KCNIP4: variants seen among roughly 807,000 people sequenced by gnomAD.
KCNIP4 encodes the protein Kv channel-interacting protein 4.
A neutral mutation model predicts 34.0 loss-of-function variants in KCNIP4; 12 were observed. The ratio of observed to expected loss-of-function variants is 0.35; its 90% confidence interval spans 0.23 to 0.57. KCNIP4 has a LOEUF of 0.57. Among genes scored for constraint, KCNIP4 ranks in the 20% least tolerant of loss-of-function variants. The probability of loss-of-function intolerance (pLI) is 0.83; values close to 1 mark genes in which losing one functional copy is unlikely to be tolerated. For synonymous variants in KCNIP4, 124 were observed against 102.2 expected (o/e 1.21, Z -1.29); for missense variants, 238 against 311.7 (o/e 0.76, Z 1.78).
At chr4:21,498,351 C>G (rs560807898) in intron 1 of KCNIP4, among the ~76,000 whole-genome samples, 61 of 152,202 alleles carry the variant, frequency 4.0e-4, no homozygotes, top group Non-Finnish European at 6.6e-4. Flanking sequence ...CAGCTGAAAG[C>G]CTGTGGTGTT....
intron 1 of KCNIP4, among the ~76,000 whole-genome samples, chr4:21,577,036 C>A (rs1279314171): frequency 6.6e-6 from 1 of 151,954 alleles, no homozygotes; most frequent in African/African-American, 2.4e-5. Flanking sequence ...TGTGGTTTTA[C>A]CTATTCTTTT....
At chr4:21,280,650 A>G (rs886253246) in intron 1 of KCNIP4, among the ~76,000 whole-genome samples, 11 of 152,238 alleles carry the variant, frequency 7.2e-5, no homozygotes, top group Non-Finnish European at 1.6e-4. Context: ...TACAGAAAGT[A>G]TTTGTTAAAT....
At chr4:21,502,236 G>A (rs1733427566) in intron 1 of KCNIP4, among the ~76,000 whole-genome samples, 1 of 151,884 alleles carries the variant, frequency 6.6e-6, no homozygotes, top group Non-Finnish European at 1.5e-5. Flanking sequence ...CCTATGTCAA[G>A]GTCTGATACA....
In KCNIP4 at chr4:21,197,459, A is replaced by AT. The variant is rs573233607; in HGVS notation, c.62-314751dup. Among the ~76,000 whole-genome samples, 3 of 152,298 alleles carry AT rather than the reference A, an allele frequency of 2.0e-5. No individual in the cohort carries two copies. The South Asian group carries it at 6.2e-4, about 32-fold the overall frequency. ...AATAGCTCTTTTAAACGTCACAACC[A>AT]TTTGGGATAGAACTTTTCTCTATTT... On this transcript the variant is annotated intron_variant, in intron 1 of 8. Transcript: ENST00000382152.
At chr4:20,759,579 A>G (rs1248879404) in intron 3 of KCNIP4, among the ~76,000 whole-genome samples, 1 of 152,090 alleles carries the variant, frequency 6.6e-6, no homozygotes, top group Non-Finnish European at 1.5e-5. Context: ...ATGTTGGACA[A>G]CTGACCTGGA....
intron 1 of KCNIP4, among the ~76,000 whole-genome samples, chr4:21,336,533 A>G (rs115301123): frequency 0.012 from 1,769 of 152,214 alleles, 35 homozygotes; most frequent in African/African-American, 0.04. Context: ...AGACATTTTA[A>G]TTTTCCCAGT....
At chr4:20,995,782 CA>C in intron 1 of KCNIP4, among the ~76,000 whole-genome samples, 1 of 151,936 alleles carries the variant, frequency 6.6e-6, no homozygotes. Flanking sequence ...TGCATTTGTG[CA>C]AAAAAATGTT....
chr4:21,681,901 T>A (rs966789065), intron 1 of KCNIP4, among the ~76,000 whole-genome samples: 1 of 151,714 alleles, frequency 6.6e-6, no homozygotes, highest in African/African-American at 2.4e-5. Context: ...TTTATTTATT[T>A]TTTTTGAGAC....
intron 1 of KCNIP4, among the ~76,000 whole-genome samples, chr4:21,650,752 C>T (rs1747423461): frequency 6.6e-6 from 1 of 152,204 alleles, no homozygotes; most frequent in African/African-American, 2.4e-5. Flanking sequence ...AATAACTAGG[C>T]TCTCTTGATT....
At chr4:21,292,617 C>G (rs73802543) in intron 1 of KCNIP4, among the ~76,000 whole-genome samples, 3,020 of 152,242 alleles carry the variant, frequency 0.02, 88 homozygotes, top group African/African-American at 0.067. Flanking sequence ...CTTCCCCAGG[C>G]TCTGATAAGA....
chr4:21,042,263 T>G (rs1233618821), intron 1 of KCNIP4, among the ~76,000 whole-genome samples: 2 of 152,312 alleles, frequency 1.3e-5, no homozygotes, highest in East Asian at 3.9e-4. Context: ...CTACTCACAA[T>G]AGCTAAGATA....
chr4:21,272,849 T>C (rs1361077825), intron 1 of KCNIP4, among the ~76,000 whole-genome samples: 1 of 152,234 alleles, frequency 6.6e-6, no homozygotes, highest in Non-Finnish European at 1.5e-5. Flanking sequence ...TAAGGTTCTC[T>C]GATTTTTCTT....
At chr4:21,630,415 T>C (rs992179057) in intron 1 of KCNIP4, among the ~76,000 whole-genome samples, 1 of 150,878 alleles carries the variant, frequency 6.6e-6, no homozygotes, top group Non-Finnish European at 1.5e-5. Context: ...GCTGAGATCC[T>C]GCCACTGAAC....
chr4:21,133,269 A>G lies in KCNIP4; in HGVS notation c.62-250560T>C, dbSNP rs144981838. On this transcript the variant is annotated intron_variant, in intron 1 of 8. Transcript: ENST00000382152. ...ACAATGTTAATGCTTTATTTTCAAAACCTCCTGGGTTTAACATGTGTAATT... is the reference window on the plus strand; with the variant it reads ...ACAATGTTAATGCTTTATTTTCAAAGCCTCCTGGGTTTAACATGTGTAATT... Among the ~76,000 whole-genome samples, 372 of 152,182 alleles carry G rather than the reference A, an allele frequency of 2.4e-3. 2 individuals carry two copies. The highest frequency in any genetic ancestry group is 8.1e-3 in the African/African-American group (336 of 41,512).
chr4:21,887,849 A>G (rs1160259015), intron 1 of KCNIP4, among the ~76,000 whole-genome samples: 1 of 152,172 alleles, frequency 6.6e-6, no homozygotes, highest in Non-Finnish European at 1.5e-5. Flanking sequence ...ATTTTGCAGA[A>G]TATTTGCTGA....
chr4:21,906,571 G>T (rs1381007865), intron 1 of KCNIP4, among the ~76,000 whole-genome samples: 2 of 152,092 alleles, frequency 1.3e-5, no homozygotes, highest in Non-Finnish European at 2.9e-5. Flanking sequence ...AACTGTGAGA[G>T]AATAAATTTC....
At chr4:21,071,610 A>G (rs941930808) in intron 1 of KCNIP4, among the ~76,000 whole-genome samples, 2 of 152,096 alleles carry the variant, frequency 1.3e-5, no homozygotes, top group Non-Finnish European at 2.9e-5. Flanking sequence ...ATGTGTATAT[A>G]TATCTGTTGG....
intron 1 of KCNIP4, among the ~76,000 whole-genome samples, chr4:21,576,825 CT>C (rs1303469865): frequency 6.6e-6 from 1 of 152,014 alleles, no homozygotes; most frequent in Non-Finnish European, 1.5e-5. Context: ...ACTGAAACTT[CT>C]TAAGGTTTTA....
At chr4:21,862,790 T>C (rs1380050974) in intron 1 of KCNIP4, among the ~76,000 whole-genome samples, 4 of 152,054 alleles carry the variant, frequency 2.6e-5, no homozygotes, top group Non-Finnish European at 5.9e-5. Context: ...TGAAACCCTG[T>C]CTCTACTAAA....
Sources: gnomAD v4.1 joint callset for allele counts (sites outside exome capture counted in the v4.1 genomes callset) on GRCh38, gnomAD v4.1.1 for gene constraint, MANE v1.5 for transcripts, NCBI Gene and HGNC (gene_info 2026-07-23, HGNC 2026-07-21) for gene names.